The following DCDC2 variants were observed in gnomAD, a reference collection of about 807,000 sequenced individuals.
The protein encoded by DCDC2 is doublecortin domain containing 2.
A neutral mutation model predicts 50.2 loss-of-function variants in DCDC2; 40 were observed. The ratio of observed to expected loss-of-function variants is 0.80; its 90% CI spans 0.62 to 1.04. The LOEUF is 1.04. Among genes scored for constraint, DCDC2 ranks in the 50% least tolerant of loss-of-function variants. The probability of loss-of-function intolerance (pLI) is 0.00; values close to 1 mark genes in which losing one functional copy is unlikely to be tolerated. For missense variants in DCDC2, 570 were observed against 581.9 expected (o/e 0.98, Z 0.21); for synonymous variants, 234 against 210.6 (o/e 1.11, Z -0.96).
chr6:24,335,456 A>C (rs1029770583), intron 2 of DCDC2, among the ~76,000 whole-genome samples: 1 of 152,190 alleles, frequency 6.6e-6, no homozygotes, highest in Non-Finnish European at 1.5e-5. Context: ...TCAGCTTTCC[A>C]GCATCTGAAT....
intron 8 of DCDC2, among the ~76,000 whole-genome samples, chr6:24,179,099 C>A (rs1290543975): frequency 2.6e-5 from 4 of 152,074 alleles, no homozygotes; most frequent in Non-Finnish European, 5.9e-5. Context: ...AGGATGAGGG[C>A]AATGGCACCA....
intron 7 of DCDC2, among the ~76,000 whole-genome samples, chr6:24,223,014 T>G (rs955320692): frequency 1.1e-4 from 17 of 152,178 alleles, no homozygotes; most frequent in Non-Finnish European, 2.5e-4. Flanking sequence ...AAAAACCTGA[T>G]TTTCTCCTTT....
At chr6:24,213,948 A>G (rs1761927446) in intron 7 of DCDC2, among the ~76,000 whole-genome samples, 3 of 152,186 alleles carry the variant, frequency 2.0e-5, no homozygotes, top group South Asian at 2.1e-4. Context: ...ATTGAATACA[A>G]TGATACAACC....
chr6:24,207,256 TTCTC>T (rs60603298), intron 7 of DCDC2, among the ~76,000 whole-genome samples: 1,653 of 129,588 alleles, frequency 0.013, 19 homozygotes, highest in African/African-American at 0.035. Context: ...CCATCTATCT[TTCTC>T]TCTCTCTCTC....
At chr6:24,206,847 T>C (rs1490436211) in intron 7 of DCDC2, among the ~76,000 whole-genome samples, 3 of 152,164 alleles carry the variant, frequency 2.0e-5, no homozygotes, top group Non-Finnish European at 2.9e-5. Flanking sequence ...ACAAAGAGAA[T>C]ATAAATACTT....
At chr6:24,305,165 A>C (rs1409150909) in intron 2 of DCDC2, among the ~76,000 whole-genome samples, 1 of 152,250 alleles carries the variant, frequency 6.6e-6, no homozygotes, top group African/African-American at 2.4e-5. Context: ...TCATAAAAAT[A>C]CATGATTGTT....
At chr6:24,301,524 C>T (rs1759374843) in intron 4 of DCDC2, among the ~76,000 whole-genome samples, 191 bp downstream of exon 4, 1 of 152,046 alleles carries the variant, frequency 6.6e-6, no homozygotes, top group South Asian at 2.1e-4. Flanking sequence ...GTTTTAAGCT[C>T]TGTATGTGGA....
chr6:24,331,523 G>T (rs1196993455), intron 2 of DCDC2, among the ~76,000 whole-genome samples: 2 of 151,782 alleles, frequency 1.3e-5, no homozygotes. Context: ...TTTGATATGC[G>T]ATACTAAAGT....
the DCDC2 span, among the ~76,000 whole-genome samples, chr6:24,370,580 C>G: frequency 7.9e-5 from 12 of 151,998 alleles, no homozygotes; most frequent in Non-Finnish European, 1.6e-4. Flanking sequence ...TGTGGTGGCA[C>G]GCACCTGTAG....
At chr6:24,284,313 A>C (rs1284986973) in intron 6 of DCDC2, among the ~76,000 whole-genome samples, 5 of 152,062 alleles carry the variant, frequency 3.3e-5, no homozygotes, top group African/African-American at 1.2e-4. Flanking sequence ...TGAGCACTTA[A>C]AAATGTAAAG....
At chr6:24,242,579 T>A (rs1183474167) in intron 7 of DCDC2, among the ~76,000 whole-genome samples, 5 of 152,142 alleles carry the variant, frequency 3.3e-5, no homozygotes, top group Non-Finnish European at 7.3e-5. Context: ...TGCCCATATC[T>A]AATTCTTCAC....
intron 2 of DCDC2, among the ~76,000 whole-genome samples, chr6:24,318,380 TTTG>T (rs1279169318): frequency 1.3e-5 from 2 of 152,022 alleles, no homozygotes; most frequent in Non-Finnish European, 2.9e-5. Context: ...TACTGGGTTT[TTTG>T]TTGTTGTTGT....
intron 7 of DCDC2, among the ~76,000 whole-genome samples, chr6:24,249,030 G>C (rs1056184731): frequency 1.3e-5 from 2 of 152,050 alleles, no homozygotes; most frequent in African/African-American, 4.8e-5. Context: ...AATACCAAGT[G>C]TCAGGTGACC....
chr6:24,374,020 G>A, the DCDC2 span, among the ~76,000 whole-genome samples: 1,111 of 152,034 alleles, frequency 7.3e-3, 16 homozygotes, highest in African/African-American at 0.025. Context: ...AAATTAGCCG[G>A]GCGTGGTGGC....
At chr6:24,270,310 C>T (rs1362704753) in intron 7 of DCDC2, among the ~76,000 whole-genome samples, 1 of 152,160 alleles carries the variant, frequency 6.6e-6, no homozygotes, top group Non-Finnish European at 1.5e-5. Context: ...TTTATCCATT[C>T]TAAGTATTTG....
At chr6:24,242,489 T>G (rs1429766448) in intron 7 of DCDC2, among the ~76,000 whole-genome samples, 1 of 152,160 alleles carries the variant, frequency 6.6e-6, no homozygotes, top group African/African-American at 2.4e-5. Flanking sequence ...ACCTTCGCTG[T>G]GAAGTCTTCC....
chr6:24,293,424 G>A lies in DCDC2; in HGVS notation c.558-2346C>T, dbSNP rs115352062. Reference sequence around the variant, plus strand: ...AGATTTATTAACGTTAAAGGAAAACGGTCATATCCCAAGAGAGCAGCAACC... The same window carrying A: ...AGATTTATTAACGTTAAAGGAAAACAGTCATATCCCAAGAGAGCAGCAACC... On this transcript the variant is annotated intron_variant, in intron 4 of 9. Transcript: ENST00000378454. 5.1e-3 allele frequency among the ~76,000 whole-genome samples: 775 copies of A among 152,184 alleles called. 7 individuals are homozygous for A. Among genetic ancestry groups the A allele is most frequent in the South Asian group, 0.041 (197 of 4,812 alleles).
At chr6:24,210,017 A>G (rs993582874) in intron 7 of DCDC2, among the ~76,000 whole-genome samples, 2 of 99,842 alleles carry the variant, frequency 2.0e-5, no homozygotes, top group African/African-American at 6.1e-5. Flanking sequence ...CAGCAGTATC[A>G]GGGTGTGTGT....
chr6:24,361,591 A>G (rs1760667008), upstream of DCDC2, among the ~76,000 whole-genome samples: 1 of 152,210 alleles, frequency 6.6e-6, no homozygotes, highest in Non-Finnish European at 1.5e-5. Flanking sequence ...ATAGGTGAGT[A>G]AGACAGAATA....
Sources: gnomAD v4.1 joint callset for allele counts (sites outside exome capture counted in the v4.1 genomes callset) on GRCh38, gnomAD v4.1.1 for gene constraint, MANE v1.5 for transcripts, NCBI Gene and HGNC (gene_info 2026-07-23, HGNC 2026-07-21) for gene names.